ADAMTS8: variants seen among roughly 807,000 people sequenced by gnomAD.
ADAMTS8 encodes the protein ADAM metallopeptidase with thrombospondin type 1 motif 8.
Under a neutral mutation model 64.4 loss-of-function variants are expected in ADAMTS8, and 50 were observed. The ratio of observed to expected loss-of-function variants is 0.78; its 90% CI spans 0.62 to 0.98. The LOEUF (loss-of-function observed/expected upper bound fraction) is 0.98, where lower values mean the gene tolerates loss of function less well. Ranked by LOEUF, ADAMTS8 falls within the 50% of genes least tolerant of loss-of-function variation. The pLI, the probability that ADAMTS8 is intolerant of heterozygous loss-of-function variation, is 0.00. For missense variants in ADAMTS8, 1,192 were observed against 1,208.2 expected, an observed-to-expected ratio of 0.99 and a Z score of 0.20; for synonymous variants, 556 against 533.6, an observed-to-expected ratio of 1.04 and a Z score of -0.58.
At chr11:130,410,621 TCTC>T (rs1393061516) in intron 6 of ADAMTS8, among the ~76,000 whole-genome samples, 1 of 152,210 alleles carries the variant, frequency 6.6e-6, no homozygotes, top group Non-Finnish European at 1.5e-5. Flanking sequence ...TGGTTGAATC[TCTC>T]CTAAGGCTCT....
At position 130,405,584 on chromosome 11, in the gene ADAMTS8, AG is replaced by A. The variant is rs774647812; in HGVS notation, c.2643del (p.Cys882AlafsTer94). 6 of 1,607,476 alleles carry A rather than the reference AG, an allele frequency of 3.7e-6. No homozygotes were observed. In the Admixed American group the frequency reaches 1.0e-4, roughly 27 times the overall value. On this transcript the variant is annotated frameshift_variant, in exon 9 of 9. Transcript: ENST00000257359. LOFTEE classifies it high-confidence loss of function. ...NKALKPEDAKPCESQLCPL is the reference protein window; with the variant it reads ...NKALKPEDAKXCESQLCPL Reference sequence around the variant, plus strand: ...CACAGGGGGCACAGCTGGCTTTCGCAGGGCTTGGCATCCTCGGGTTTCAGAG... The same window carrying A: ...CACAGGGGGCACAGCTGGCTTTCGCAGGCTTGGCATCCTCGGGTTTCAGAG...
At chr11:130,407,788 GAA>G (rs1230120595) in intron 8 of ADAMTS8, among the ~76,000 whole-genome samples, 5 of 152,188 alleles carry the variant, frequency 3.3e-5, no homozygotes, top group Admixed American at 2.0e-4. Flanking sequence ...TGTGACCTTA[GAA>G]AAGTCATTTA....
intron 8 of ADAMTS8, 126 bp downstream of exon 8, chr11:130,408,338 T>C: frequency 1.7e-6 from 2 of 1,144,988 alleles, no homozygotes; most frequent in African/African-American, 3.1e-5. Flanking sequence ...GCTCGGAGAG[T>C]TTAAATAACT....
intron 2 of ADAMTS8, among the ~76,000 whole-genome samples, chr11:130,418,316 T>C (rs189373361): frequency 1.4e-3 from 219 of 152,268 alleles, no homozygotes; most frequent in African/African-American, 4.8e-3. Flanking sequence ...GCCTGTTCTA[T>C]GTTACAGGCT....
intron 4 of ADAMTS8, 97 bp from the exon 5 acceptor site, chr11:130,414,929 G>T: frequency 7.7e-7 from 1 of 1,297,568 alleles, no homozygotes; most frequent in Non-Finnish European, 1.0e-6. Context: ...AGGTCTAGGT[G>T]TCACGACTTC....
chr11:130,421,104 A>G (rs376749020), intron 1 of ADAMTS8, among the ~76,000 whole-genome samples: 2 of 152,204 alleles, frequency 1.3e-5, no homozygotes, highest in African/African-American at 4.8e-5. Context: ...AGGAAGGTGT[A>G]AAGCTAAGGA....
rs953212256 is a variant in ADAMTS8 at position 130,411,704 on chromosome 11, C to T, written c.1567-104G>A. On this transcript the variant is annotated intron_variant, in intron 5 of 8. Transcript: ENST00000257359. This position sits in a 1 kb window ranked among gnomAD's most constrained non-coding sequence, Gnocchi z 4.2. Reference sequence around the variant, plus strand: ...CCTGGCTTCCTCATCTAGTCATTATCATCTTGGTGCATGGAGTGCCGTAAA... The same window carrying T: ...CCTGGCTTCCTCATCTAGTCATTATTATCTTGGTGCATGGAGTGCCGTAAA... 8 of 1,165,476 alleles carry T rather than the reference C, an allele frequency of 6.9e-6. No homozygotes were observed. The highest frequency in any genetic ancestry group is 1.5e-5 in the African/African-American group (1 of 65,480). The allele number at this position is 1,165,476 out of a possible 1,614,324, so 72.2% of individuals were successfully genotyped here.
Position 130,417,164 on chromosome 11 carries a change from C to T in ADAMTS8, c.961-89G>A, listed in dbSNP as rs768142193. 1.2e-4 allele frequency: 180 copies of T among 1,559,592 alleles called. 1 individual carries two copies. The highest frequency in any genetic ancestry group is 5.9e-4 in the South Asian group (52 of 87,732). ...CAGGGCCGGGTGTGGCCAGCGTGCACGTGGGAGTGGACCACTGAGCGTCCC... is the reference window on the plus strand; with the variant it reads ...CAGGGCCGGGTGTGGCCAGCGTGCATGTGGGAGTGGACCACTGAGCGTCCC... On this transcript the variant is annotated intron_variant, in intron 2 of 8. Transcript: ENST00000257359.
intron 1 of ADAMTS8, among the ~76,000 whole-genome samples, chr11:130,426,205 C>T (rs1005373883): frequency 2.6e-5 from 4 of 152,324 alleles, no homozygotes; most frequent in South Asian, 2.1e-4. Flanking sequence ...GGGGCAGCCA[C>T]GTGGACTCTC....
At chr11:130,417,174 G>T in intron 2 of ADAMTS8, 99 bp from the exon 3 acceptor site, 1 of 1,497,204 alleles carries the variant, frequency 6.7e-7, no homozygotes. Flanking sequence ...CGTGGGAGTG[G>T]ACCACTGAGC....
At chr11:130,410,555 C>G (rs1861939898) in intron 6 of ADAMTS8, among the ~76,000 whole-genome samples, 1 of 152,242 alleles carries the variant, frequency 6.6e-6, no homozygotes, top group Non-Finnish European at 1.5e-5. Flanking sequence ...TCTTGTGAAA[C>G]CGCAAAGCCT....
chr11:130,405,075 CGTG>C lies in ADAMTS8; in HGVS notation c.*480_*482del. On this transcript the variant is annotated 3_prime_UTR_variant, in exon 9 of 9. Coordinates refer to ENST00000257359, the MANE Select transcript of ADAMTS8 (RefSeq NM_007037.6). The stretch of plus-strand genomic sequence containing the variant: ...GATGGATTTTAACACTGAAGACAGT[CGTG>C]GTCATTCTTGAAGACAGCTTGGGGT... 6 of 988,944 alleles carry C rather than the reference CGTG, an allele frequency of 6.1e-6. No homozygotes were observed. Among genetic ancestry groups the C allele is most frequent in the Non-Finnish European group, 7.2e-6 (6 of 832,226 alleles). 61.3% of individuals were successfully genotyped at this position (988,944 alleles called of 1,614,324 possible). A position where few individuals can be genotyped will look rare whatever the true frequency, so the allele number is the denominator to read the frequency against.
In ADAMTS8 at chr11:130,427,690, G is replaced by A. The variant is rs926312738; in HGVS notation, c.597C>T (p.Ser199=). 1.9e-6 allele frequency: 3 copies of A among 1,595,276 alleles called. No individual in the cohort carries two copies. Among genetic ancestry groups the A allele is most frequent in the South Asian group, 2.3e-5 (2 of 88,288 alleles). Residue 199 remains serine (S), a synonymous_variant, in exon 1 of 9, where the codon AGC becomes AGT. Transcript: ENST00000257359. Reference sequence around the variant, plus strand: ...TGGCCCCCAGGGGCGGTGGCGGCTCGCTAGCGCCTTCTGCCTCCTCTTCTT... The same window carrying A: ...TGGCCCCCAGGGGCGGTGGCGGCTCACTAGCGCCTTCTGCCTCCTCTTCTT... ...ESQEEEAEGA[S]EPPPPLGATS... is the part of the protein sequence containing the mutation.
Position 130,405,924 on chromosome 11 carries a change from G to C in ADAMTS8, c.2304C>G (p.Gly768=), listed in dbSNP as rs1418431588. The change falls in exon 9 of 9, where the codon GGC becomes GGG. Residue 768 remains glycine (G), a synonymous_variant. Transcript: ENST00000257359. The part of the protein sequence containing the change: ...LVKGTILKYS[G]SIATLERLQS... ...GCAGGCGCTCCAGGGTGGCGATGGAGCCGCTGTACTTCAGGATGGTCCCCT... is the reference window on the plus strand; with the variant it reads ...GCAGGCGCTCCAGGGTGGCGATGGACCCGCTGTACTTCAGGATGGTCCCCT... The C allele has an allele frequency of 6.2e-7, 1 of 1,614,120 alleles. No individual in the cohort carries two copies. The highest frequency in any genetic ancestry group is 8.5e-7 in the Non-Finnish European group (1 of 1,179,970).
chr11:130,411,382 C>A lies in ADAMTS8; in HGVS notation c.1750+35G>T. Reference sequence around the variant, plus strand: ...GGATGCGTCATAGCAATGATAGTAGCTGCTCTGGCAGGGGCGGCCCTGAGT... The same window carrying A: ...GGATGCGTCATAGCAATGATAGTAGATGCTCTGGCAGGGGCGGCCCTGAGT... On this transcript the variant is annotated intron_variant, in intron 6 of 8. Transcript: ENST00000257359. This position sits in a 1 kb window ranked among gnomAD's most constrained non-coding sequence, Gnocchi z 4.2. 4 of 1,601,320 alleles carry A rather than the reference C, an allele frequency of 2.5e-6. No homozygotes were observed. The highest frequency in any genetic ancestry group is 3.4e-6 in the Non-Finnish European group (4 of 1,173,034).
Position 130,405,153 on chromosome 11 carries a change from C to A in ADAMTS8, c.*405G>T. On this transcript the variant is annotated 3_prime_UTR_variant, in exon 9 of 9. Transcript: ENST00000257359. ...TTCACCATTGACTCCCTGCCCCACG[C>A]CTCTCTTGTACTAATTTTTTCCCCT... The A allele has an allele frequency of 2.0e-6, 2 of 1,000,314 alleles. No homozygotes were observed. The highest frequency in any genetic ancestry group is 9.2e-5 in the South Asian group (2 of 21,786). The allele number at this position is 1,000,314 out of a possible 1,614,324, so 62.0% of individuals were successfully genotyped here. A position where few individuals can be genotyped will look rare whatever the true frequency, so the allele number is the denominator to read the frequency against.
intron 1 of ADAMTS8, among the ~76,000 whole-genome samples, chr11:130,422,435 G>A (rs1244332403): frequency 6.6e-6 from 1 of 152,128 alleles, no homozygotes; most frequent in South Asian, 2.1e-4. Context: ...CCGCCCCGAT[G>A]TCATCATTAC....
Position 130,427,967 on chromosome 11 carries a change from T to A in ADAMTS8, c.320A>T (p.Asn107Ile). The A allele has an allele frequency of 6.5e-7, 1 of 1,531,540 alleles. No homozygotes were observed. The highest frequency in any genetic ancestry group is 8.7e-7 in the Non-Finnish European group (1 of 1,145,480). The allele number at this position is 1,531,540 out of a possible 1,614,324, so 94.9% of individuals were successfully genotyped here. The stretch of plus-strand genomic sequence containing the variant: ...CGCCGCCAGCGACTCGGGCTCCCCA[T>A]TCACGGTGCCGGAGAAGAAGCAGCC... The part of the protein sequence containing the change: ...LRGCFFSGTV[N>I]GEPESLAAVS... Residue 107 changes from asparagine to isoleucine, a missense_variant, in exon 1 of 9, where the codon AAT (asparagine) becomes ATT (isoleucine). This residue lies in a region of ADAMTS8 where 741 missense variants were observed against 710.6 expected (regional missense o/e 1.04). Transcript: ENST00000257359.
At chr11:130,418,060 A>G (rs1011581568) in intron 2 of ADAMTS8, among the ~76,000 whole-genome samples, 6 of 146,918 alleles carry the variant, frequency 4.1e-5, no homozygotes, top group Non-Finnish European at 7.4e-5. Flanking sequence ...TGCGCTTGTC[A>G]TCTCAGCTAC....
Sources: gnomAD v4.1 joint callset for allele counts (sites outside exome capture counted in the v4.1 genomes callset) on GRCh38, gnomAD v4.1.1 for gene constraint, gnomAD v4.1.1 regional missense constraint, Gnocchi (gnomAD v3.1) non-coding constraint, MANE v1.5 for transcripts, NCBI Gene and HGNC (gene_info 2026-07-23, HGNC 2026-07-21) for gene names.